Variants in SAXO5 observed in about 807,000 individuals in gnomAD.
SAXO5 encodes stabilizer of axonemal microtubules 5.
the SAXO5 span, chr19:7,501,371 G>A: frequency 1.3e-6 from 2 of 1,509,384 alleles, no homozygotes; most frequent in Admixed American, 2.2e-5. Flanking sequence ...ACGCGCGCCC[G>A]CAGCCTCGCG....
At chr19:7,501,822 A>G in the SAXO5 span, among the ~76,000 whole-genome samples, 1 of 151,722 alleles carries the variant, frequency 6.6e-6, no homozygotes, top group South Asian at 2.1e-4. Flanking sequence ...CTCCGTCTCA[A>G]AAAAAGGAAA....
the SAXO5 span, among the ~76,000 whole-genome samples, chr19:7,498,393 C>CTT: frequency 3.3e-3 from 383 of 115,324 alleles, 6 homozygotes; most frequent in African/African-American, 6.4e-3. Context: ...GTATTTTTTT[C>CTT]TTTTTTTTTT....
the SAXO5 span, chr19:7,501,488 G>A: frequency 5.2e-5 from 69 of 1,326,810 alleles, no homozygotes; most frequent in Non-Finnish European, 6.5e-5. Context: ...CTTCCCCCAG[G>A]GAACATTTGG....
At chr19:7,505,472 C>A in the SAXO5 span, 1 of 1,613,726 alleles carries the variant, frequency 6.2e-7, no homozygotes, top group Non-Finnish European at 8.5e-7. Flanking sequence ...CCGCCTCCCA[C>A]CGCAGCCTCC....
At chr19:7,501,630 T>C in the SAXO5 span, among the ~76,000 whole-genome samples, 1 of 151,172 alleles carries the variant, frequency 6.6e-6, no homozygotes, top group Non-Finnish European at 1.5e-5. Context: ...GAGACCAGCC[T>C]GGCCAATATG....
the SAXO5 span, chr19:7,507,129 G>T: frequency 6.2e-7 from 1 of 1,613,986 alleles, no homozygotes; most frequent in Non-Finnish European, 8.5e-7. Flanking sequence ...TGACTGAAGA[G>T]ATGCTACAGC....
the SAXO5 span, chr19:7,497,669 C>A: frequency 6.6e-6 from 1 of 152,252 alleles, no homozygotes; most frequent in Admixed American, 6.5e-5. Flanking sequence ...TTGATTCACA[C>A]GCCATCCCTT....
At chr19:7,507,160 A>T in the SAXO5 span, 1 of 1,604,454 alleles carries the variant, frequency 6.2e-7, no homozygotes, top group Non-Finnish European at 8.5e-7. Flanking sequence ...GGCGGAGGGG[A>T]GCCACCCATC....
chr19:7,504,079 A>C, the SAXO5 span: 5 of 830,420 alleles, frequency 6.0e-6, no homozygotes, highest in South Asian at 1.8e-5. Flanking sequence ...AGGGAATCTC[A>C]ATCTCTCTCT....
At chr19:7,505,070 G>A in the SAXO5 span, among the ~76,000 whole-genome samples, 3 of 148,352 alleles carry the variant, frequency 2.0e-5, no homozygotes, top group African/African-American at 7.5e-5. Flanking sequence ...TGCAACCTCC[G>A]CCTCCCGGGT....
chr19:7,501,102 T>C, the SAXO5 span: 3 of 1,502,124 alleles, frequency 2.0e-6, no homozygotes, highest in Non-Finnish European at 1.8e-6. Flanking sequence ...CACGCCGCCG[T>C]GGGAGCTGCT....
chr19:7,507,082 A>G, the SAXO5 span: 1 of 1,614,066 alleles, frequency 6.2e-7, no homozygotes, highest in Non-Finnish European at 8.5e-7. Flanking sequence ...CATGAACCAG[A>G]AGATGCTGAA....
the SAXO5 span, chr19:7,504,447 C>T: frequency 1.9e-6 from 3 of 1,546,622 alleles, no homozygotes; most frequent in East Asian, 2.2e-5. Flanking sequence ...GTGGCTCATG[C>T]CTGTAATCCC....
chr19:7,506,815 T>G, the SAXO5 span: 1 of 302,440 alleles, frequency 3.3e-6, no homozygotes. Flanking sequence ...ACCTCCTCCC[T>G]CTTCCCCAGC....
chr19:7,505,831 C>G, the SAXO5 span: 2 of 987,222 alleles, frequency 2.0e-6, no homozygotes, highest in Non-Finnish European at 3.0e-6. Context: ...GTACCAACTC[C>G]CAGTGCTACC....
At chr19:7,504,990 T>G in the SAXO5 span, among the ~76,000 whole-genome samples, 702 of 88,038 alleles carry the variant, frequency 8.0e-3, 3 homozygotes, top group Non-Finnish European at 0.015. Context: ...TTTTTTTTCT[T>G]TTTTTTTTTT....
At chr19:7,500,394 C>T in the SAXO5 span, among the ~76,000 whole-genome samples, 2 of 152,088 alleles carry the variant, frequency 1.3e-5, no homozygotes, top group African/African-American at 4.8e-5. Flanking sequence ...CTCTGCCTCC[C>T]GGGTTCAAGC....
the SAXO5 span, chr19:7,497,570 G>A: frequency 7.3e-6 from 1 of 137,676 alleles, no homozygotes; most frequent in Non-Finnish European, 1.7e-5. Flanking sequence ...GATGCAGCCT[G>A]GGAAGGAACA....
the SAXO5 span, chr19:7,501,534 G>T: frequency 2.5e-5 from 27 of 1,061,662 alleles, no homozygotes; most frequent in Middle Eastern, 3.2e-4. Context: ...TCAGGACTTG[G>T]GGGGTGGCCG....
Sources: allele counts gnomAD v4.1 joint callset (sites outside exome capture counted in the v4.1 genomes callset), GRCh38; gene constraint gnomAD v4.1.1; transcripts MANE v1.5; gene names NCBI Gene and HGNC (gene_info 2026-07-23, HGNC 2026-07-21).